PCSK5: variants seen among roughly 807,000 people sequenced by gnomAD.
PCSK5 encodes proprotein convertase subtilisin/kexin type 5.
A neutral mutation model predicts 233.2 loss-of-function variants in PCSK5; 129 were observed. The ratio of observed to expected loss-of-function variants is 0.55; its 90% CI spans 0.48 to 0.64. PCSK5 has a LOEUF of 0.64. Ranked by LOEUF, PCSK5 falls within the 30% of genes least tolerant of loss-of-function variation. The pLI is 0.00. For synonymous variants in PCSK5, 825 were observed against 879.2 expected (o/e 0.94, Z 1.09); for missense variants, 2,076 against 2,430.1 (o/e 0.85, Z 3.06).
chr9:75,916,127 G>T (rs12238164), intron 1 of PCSK5, among the ~76,000 whole-genome samples: 1 of 152,260 alleles, frequency 6.6e-6, no homozygotes, highest in East Asian at 1.9e-4. Flanking sequence ...TCGAGATAAA[G>T]ATATTAATCT....
intron 2 of PCSK5, among the ~76,000 whole-genome samples, chr9:75,965,200 C>A (rs999424136): frequency 1.3e-5 from 2 of 152,016 alleles, no homozygotes; most frequent in African/African-American, 4.8e-5. Flanking sequence ...TCTCCAGGGA[C>A]CCAGGGCCAG....
chr9:75,942,980 G>A (rs754532374), intron 2 of PCSK5, among the ~76,000 whole-genome samples: 2 of 150,146 alleles, frequency 1.3e-5, no homozygotes, highest in Non-Finnish European at 3.0e-5. Context: ...TGCCTTCCGG[G>A]TTCCAGCTAT....
chr9:76,178,259 T>C (rs867913892), intron 14 of PCSK5, among the ~76,000 whole-genome samples: 2 of 152,172 alleles, frequency 1.3e-5, no homozygotes, highest in Non-Finnish European at 2.9e-5. Context: ...TTGGGGAAAA[T>C]AGAAATAAGC....
At chr9:76,282,745 T>A (rs1827923351) in intron 24 of PCSK5, among the ~76,000 whole-genome samples, 1 of 152,226 alleles carries the variant, frequency 6.6e-6, no homozygotes, top group Admixed American at 6.5e-5. Context: ...GTGAGCATAG[T>A]ACCCAATAGG....
chr9:75,999,528 T>G (rs1827174378), intron 3 of PCSK5, among the ~76,000 whole-genome samples: 1 of 152,254 alleles, frequency 6.6e-6, no homozygotes, highest in Admixed American at 6.5e-5. Flanking sequence ...ATTAGAGGAA[T>G]AGGTTGGGCT....
intron 2 of PCSK5, among the ~76,000 whole-genome samples, chr9:75,969,794 T>A (rs564025111): frequency 1.4e-4 from 21 of 152,298 alleles, no homozygotes; most frequent in African/African-American, 5.1e-4. Context: ...ATACAGAGGT[T>A]AACTTGCCTG....
intron 1 of PCSK5, among the ~76,000 whole-genome samples, chr9:75,917,701 A>C (rs146705257): frequency 4.5e-4 from 68 of 152,338 alleles, no homozygotes; most frequent in Non-Finnish European, 7.6e-4. Flanking sequence ...ATAATTGTAA[A>C]GATATTTGGG....
At chr9:76,216,433 G>T (rs978153617) in intron 20 of PCSK5, among the ~76,000 whole-genome samples, 4 of 152,188 alleles carry the variant, frequency 2.6e-5, no homozygotes, top group African/African-American at 7.2e-5. Flanking sequence ...GCACAAGTTA[G>T]CTCACAACCA....
chr9:76,316,452 G>A (rs569057095), intron 30 of PCSK5, among the ~76,000 whole-genome samples: 27 of 152,062 alleles, frequency 1.8e-4, no homozygotes, highest in African/African-American at 6.5e-4. Flanking sequence ...AGATGTGATT[G>A]GTAAGGTACA....
At chr9:76,021,855 G>A (rs1286316986) in intron 3 of PCSK5, among the ~76,000 whole-genome samples, 1 of 152,130 alleles carries the variant, frequency 6.6e-6, no homozygotes, top group Non-Finnish European at 1.5e-5. Flanking sequence ...TGAATGATTT[G>A]ACCATGCCTC....
intron 24 of PCSK5, among the ~76,000 whole-genome samples, chr9:76,279,865 C>A (rs373565529): frequency 6.6e-6 from 1 of 151,366 alleles, no homozygotes; most frequent in Non-Finnish European, 1.5e-5. Context: ...TTGTAGGTTG[C>A]CTGTTCACTC....
chr9:76,100,162 A>G (rs1015038482), intron 8 of PCSK5, among the ~76,000 whole-genome samples: 2 of 152,208 alleles, frequency 1.3e-5, no homozygotes, highest in Admixed American at 1.3e-4. Context: ...TGGATCAGCA[A>G]TGACCTTATA....
At chr9:75,930,715 G>T (rs987375307) in intron 1 of PCSK5, among the ~76,000 whole-genome samples, 1 of 152,208 alleles carries the variant, frequency 6.6e-6, no homozygotes, top group Non-Finnish European at 1.5e-5. Flanking sequence ...TGGAAATTCT[G>T]TTTCTTTCCA....
intron 5 of PCSK5, among the ~76,000 whole-genome samples, chr9:76,029,871 A>G (rs1205512824): frequency 6.6e-6 from 1 of 152,326 alleles, no homozygotes; most frequent in East Asian, 1.9e-4. Context: ...AAAGGAAAGC[A>G]TGCCATTCCA....
chr9:76,057,650 A>G (rs933661981), intron 5 of PCSK5, among the ~76,000 whole-genome samples: 1 of 152,190 alleles, frequency 6.6e-6, no homozygotes, highest in African/African-American at 2.4e-5. Flanking sequence ...TAGTCACTAT[A>G]TTATTCACTC....
At chr9:76,308,796 A>C in intron 29 of PCSK5, 68 bp downstream of exon 29, 1 of 965,354 alleles carries the variant, frequency 1.0e-6, no homozygotes, top group Non-Finnish European at 1.7e-6. Context: ...GTGTAGTGGC[A>C]TCTTGGTGTA....
At chr9:76,289,240 T>C (rs1828188219) in intron 24 of PCSK5, among the ~76,000 whole-genome samples, 1 of 152,114 alleles carries the variant, frequency 6.6e-6, no homozygotes, top group Non-Finnish European at 1.5e-5. Context: ...AGGAAAGATA[T>C]GAGCAGCTGG....
intron 2 of PCSK5, among the ~76,000 whole-genome samples, chr9:75,944,020 G>C (rs1040079870): frequency 1.3e-5 from 2 of 151,892 alleles, no homozygotes; most frequent in Admixed American, 6.6e-5. Context: ...AAAATCAGCT[G>C]GGTGTAGTGG....
intron 1 of PCSK5, among the ~76,000 whole-genome samples, chr9:75,927,260 T>C (rs1268925442): frequency 6.6e-6 from 1 of 152,174 alleles, no homozygotes; most frequent in Non-Finnish European, 1.5e-5. Flanking sequence ...CATTCAAGCT[T>C]TTGCCCCTTT....
Sources: allele counts gnomAD v4.1 joint callset (sites outside exome capture counted in the v4.1 genomes callset), GRCh38; gene constraint gnomAD v4.1.1; transcripts MANE v1.5; gene names NCBI Gene and HGNC (gene_info 2026-07-23, HGNC 2026-07-21).